Variants in CAST observed in about 807,000 individuals in gnomAD.
CAST encodes the protein calpastatin.
CAST carries 76 observed loss-of-function variants against 119.6 expected under a neutral mutation model. The observed-to-expected ratio is 0.64, with a 90% CI of 0.53 to 0.77. CAST has a LOEUF of 0.77. CAST is among the 30% of genes least tolerant of loss of function. The pLI is 0.00. For missense variants in CAST, 953 were observed against 946.5 expected (o/e 1.01, Z -0.09); for synonymous variants, 319 against 331.6 (o/e 0.96, Z 0.41).
intron 3 of CAST, among the ~76,000 whole-genome samples, chr5:96,702,601 G>A (rs1754053761): frequency 6.6e-6 from 1 of 152,226 alleles, no homozygotes; most frequent in Non-Finnish European, 1.5e-5. Flanking sequence ...TAATCAGCCG[G>A]CGGTGCGCAG....
intron 25 of CAST, chr5:96,763,151 G>A (rs1768594161): frequency 2.6e-6 from 2 of 780,410 alleles, no homozygotes; most frequent in South Asian, 2.7e-5. Context: ...TCCGTTTGAT[G>A]TAGCATCAAA....
At chr5:96,094,602 G>A in the CAST span, among the ~76,000 whole-genome samples, 22 of 152,268 alleles carry the variant, frequency 1.4e-4, no homozygotes, top group African/African-American at 5.3e-4. Context: ...ATCTTATGAG[G>A]TAGATAGAAT....
the CAST span, among the ~76,000 whole-genome samples, chr5:96,237,876 T>C: frequency 6.6e-6 from 1 of 152,120 alleles, no homozygotes; most frequent in African/African-American, 2.4e-5. Context: ...ATTCCTAATT[T>C]ATTAAAACAG....
At chr5:96,498,412 G>A in the CAST span, among the ~76,000 whole-genome samples, 45 of 152,304 alleles carry the variant, frequency 3.0e-4, no homozygotes, top group African/African-American at 1.0e-3. Flanking sequence ...GTCATTGGTA[G>A]CTTGATGGGG....
At chr5:96,759,320 C>CTT (rs1767141682) in intron 24 of CAST, among the ~76,000 whole-genome samples, 1 of 151,984 alleles carries the variant, frequency 6.6e-6, no homozygotes, top group African/African-American at 2.4e-5. Flanking sequence ...TATAATAGAA[C>CTT]AGAAATGCTA....
the CAST span, among the ~76,000 whole-genome samples, chr5:96,404,061 T>G: frequency 6.6e-6 from 1 of 152,222 alleles, no homozygotes; most frequent in Non-Finnish European, 1.5e-5. Context: ...TTCTTAGGTA[T>G]ACTCACTACA....
chr5:96,623,610 G>T (rs1010656098), intron 1 of CAST, among the ~76,000 whole-genome samples: 20 of 152,300 alleles, frequency 1.3e-4, no homozygotes, highest in Admixed American at 8.5e-4. Flanking sequence ...CCTCATGAAG[G>T]TTGAAATTCC....
rs184493485 is a variant in CAST, at chr5:96,635,720, T to C, written c.61-39819T>C. ...AATGTTCATAGCCAATTTCACTAGC[T>C]CCTCCAAAACTGAGCTATTGCCATT... On this transcript the variant is annotated intron_variant, in intron 1 of 11. Coordinates refer to the CAST transcript ENST00000505143. 1.8e-4 allele frequency among the ~76,000 whole-genome samples: 27 copies of C among 152,338 alleles called. No homozygotes were observed. The Middle Eastern group carries it at 0.014, about 77-fold the overall frequency.
chr5:96,629,821 A>G (rs1215430988), intron 1 of CAST, among the ~76,000 whole-genome samples: 1 of 152,238 alleles, frequency 6.6e-6, no homozygotes, highest in African/African-American at 2.4e-5. Flanking sequence ...TAATCAGGCT[A>G]AGCAATGTAC....
At chr5:96,633,903 C>G (rs1747853111) in intron 1 of CAST, among the ~76,000 whole-genome samples, 1 of 152,212 alleles carries the variant, frequency 6.6e-6, no homozygotes, top group Non-Finnish European at 1.5e-5. Context: ...TCTATCCTCT[C>G]CTTTTACTCA....
At chr5:95,978,488 A>T in the CAST span, among the ~76,000 whole-genome samples, 2 of 151,406 alleles carry the variant, frequency 1.3e-5, no homozygotes, top group African/African-American at 4.9e-5. Context: ...TCACTTTTTT[A>T]TGTGGTTGTT....
chr5:96,045,686 C>T, the CAST span, among the ~76,000 whole-genome samples: 1 of 152,240 alleles, frequency 6.6e-6, no homozygotes, highest in Non-Finnish European at 1.5e-5. Context: ...ATACTATTAT[C>T]ATCCCTATTT....
chr5:96,747,136 G>A (rs961458897), intron 17 of CAST, among the ~76,000 whole-genome samples: 4 of 151,918 alleles, frequency 2.6e-5, no homozygotes, highest in Admixed American at 2.0e-4. Context: ...TAAAGTAAAT[G>A]TGCATTCTGC....
upstream of CAST, among the ~76,000 whole-genome samples, chr5:96,520,465 C>A (rs181583371): frequency 1.3e-3 from 192 of 152,284 alleles, no homozygotes; most frequent in African/African-American, 4.4e-3. Flanking sequence ...GAATGCTTCA[C>A]CTCAACCAGA....
the CAST span, among the ~76,000 whole-genome samples, chr5:96,289,488 G>C: frequency 6.6e-6 from 1 of 152,116 alleles, no homozygotes; most frequent in Admixed American, 6.6e-5. Context: ...CATGAGGTTT[G>C]ATGGTTTTAA....
chr5:96,602,987 A>G (rs1018821779), intron 1 of CAST, among the ~76,000 whole-genome samples: 3 of 152,240 alleles, frequency 2.0e-5, no homozygotes, highest in Admixed American at 6.5e-5. Context: ...GAAGGAAAAT[A>G]CAGCTGAAGC....
chr5:96,382,143 T>G, the CAST span, among the ~76,000 whole-genome samples: 153 of 152,362 alleles, frequency 1.0e-3, no homozygotes, highest in African/African-American at 3.6e-3. Context: ...GCTACTTCAC[T>G]TTTTCTAAGC....
At chr5:96,234,484 AT>A in the CAST span, among the ~76,000 whole-genome samples, 2 of 151,998 alleles carry the variant, frequency 1.3e-5, no homozygotes, top group Non-Finnish European at 2.9e-5. Context: ...CCAAACAGGA[AT>A]TTTTTTTCCT....
the CAST span, among the ~76,000 whole-genome samples, chr5:96,217,707 C>T: frequency 3.9e-5 from 6 of 152,202 alleles, no homozygotes; most frequent in East Asian, 3.9e-4. Flanking sequence ...TGCTGAATGA[C>T]GGAAGCCAGA....
Sources: allele counts gnomAD v4.1 joint callset (sites outside exome capture counted in the v4.1 genomes callset), GRCh38; gene constraint gnomAD v4.1.1; transcripts MANE v1.5; gene names NCBI Gene and HGNC (gene_info 2026-07-23, HGNC 2026-07-21).